The following GADL1 variants were observed in gnomAD, a reference collection of about 807,000 sequenced individuals.
GADL1 encodes acidic amino acid decarboxylase GADL1.
A neutral mutation model predicts 69.5 loss-of-function variants in GADL1; 71 were observed. That is an observed-to-expected ratio of 1.02 (90% CI 0.84 to 1.25). The LOEUF is 1.25. Among genes scored for constraint, GADL1 ranks in the 50% most tolerant of loss-of-function variants. The probability of loss-of-function intolerance (pLI) is 0.00; values close to 1 mark genes in which losing one functional copy is unlikely to be tolerated. For synonymous variants in GADL1, 254 were observed against 214.4 expected, an observed-to-expected ratio of 1.18 and a Z score of -1.62; for missense variants, 737 against 631.8, an observed-to-expected ratio of 1.17 and a Z score of -1.79.
At chr3:30,862,278 G>A (rs1369771463) in intron 1 of GADL1, among the ~76,000 whole-genome samples, 1 of 151,992 alleles carries the variant, frequency 6.6e-6, no homozygotes, top group Non-Finnish European at 1.5e-5. Context: ...TCTACCACAG[G>A]AGAGTTCGAG....
At chr3:30,754,861 T>C (rs1454742070) in intron 14 of GADL1, among the ~76,000 whole-genome samples, 3 of 51,404 alleles carry the variant, frequency 5.8e-5, no homozygotes, top group Admixed American at 2.4e-4. Flanking sequence ...AGGGCACTGA[T>C]TTTTTTTCTG....
At chr3:30,773,642 G>A (rs1432589200) in intron 14 of GADL1, among the ~76,000 whole-genome samples, 1 of 151,938 alleles carries the variant, frequency 6.6e-6, no homozygotes, top group African/African-American at 2.4e-5. Context: ...ATCTTGTCTG[G>A]ACACTACAAA....
At chr3:30,857,792 C>T (rs1698253619) in intron 2 of GADL1, among the ~76,000 whole-genome samples, 1 of 151,990 alleles carries the variant, frequency 6.6e-6, no homozygotes, top group East Asian at 1.9e-4. Context: ...CCTCTAGTCT[C>T]ATCTGGGACT....
rs551295123 is a variant in GADL1 at position 30,815,735 on chromosome 3, C to G, written c.1051-14647G>C. ...TAGGTTCCAAAGGGGATTAAACAAT[C>G]AGGTTTTATCTTTCTAAATCAATGT... is the stretch of plus-strand genomic sequence containing the variant. On this transcript the variant is annotated intron_variant, in intron 11 of 14. Transcript: ENST00000282538. 3.3e-5 allele frequency among the ~76,000 whole-genome samples: 5 copies of G among 152,266 alleles called. No homozygotes were observed. The East Asian group carries it at 9.7e-4, about 29-fold the overall frequency.
chr3:30,867,018 C>A (rs1422287363), intron 1 of GADL1, among the ~76,000 whole-genome samples: 1 of 152,010 alleles, frequency 6.6e-6, no homozygotes, highest in Non-Finnish European at 1.5e-5. Context: ...TCTAGTCCCA[C>A]TTGATCACTC....
intron 14 of GADL1, among the ~76,000 whole-genome samples, chr3:30,741,917 ATTG>A (rs1447848348): frequency 6.6e-6 from 1 of 152,100 alleles, no homozygotes; most frequent in Non-Finnish European, 1.5e-5. Flanking sequence ...TATTGTCCAA[ATTG>A]TTCTCAGGTA....
Position 30,894,637 on chromosome 3 carries a change from G to GC in GADL1, c.-24dup. 6.5e-7 allele frequency: 1 copy of GC among 1,548,862 alleles called. No homozygotes were observed. The highest frequency in any genetic ancestry group is 8.7e-7 in the Non-Finnish European group (1 of 1,145,480). Reference sequence around the variant, plus strand: ...CATCTCCGCTCCCCCACTCCAGGCTGCCCCGGGCGCGGCTCCCGCAGTCTG... The same window carrying GC: ...CATCTCCGCTCCCCCACTCCAGGCTGCCCCCGGGCGCGGCTCCCGCAGTCTG... On this transcript the variant is annotated 5_prime_UTR_variant, in exon 1 of 15. Transcript: ENST00000282538.
chr3:30,799,076 C>T (rs9844034), intron 12 of GADL1: 35,458 of 152,202 alleles, frequency 0.23, 4,242 homozygotes, highest in Non-Finnish European at 0.26. Flanking sequence ...TGTCAGTGGA[C>T]CTACCATTCT....
At chr3:30,862,314 G>T (rs1698332488) in intron 1 of GADL1, among the ~76,000 whole-genome samples, 1 of 151,930 alleles carries the variant, frequency 6.6e-6, no homozygotes, top group African/African-American at 2.4e-5. Flanking sequence ...TTAGGCATTT[G>T]GAGAAAAGGA....
intron 14 of GADL1, among the ~76,000 whole-genome samples, chr3:30,751,554 C>G (rs546479780): frequency 1.4e-4 from 21 of 150,674 alleles, no homozygotes; most frequent in Non-Finnish European, 2.2e-4. Flanking sequence ...CTGGAAATAT[C>G]TAGTAGACTA....
At position 30,863,700 on chromosome 3, in the gene GADL1, C is replaced by A. The variant is rs566740853; in HGVS notation, c.38-1935G>T. Among the ~76,000 whole-genome samples, 18 of 140,484 alleles carry A rather than the reference C, an allele frequency of 1.3e-4. 1 individual carries two copies. Among genetic ancestry groups the A allele is most frequent in the African/African-American group, 4.6e-4 (18 of 39,058 alleles). The allele number at this position is 140,484 out of a possible 152,430, so 92.2% of individuals were successfully genotyped here. On this transcript the variant is annotated intron_variant, in intron 1 of 14. Coordinates refer to ENST00000282538, the MANE Select transcript of GADL1 (RefSeq NM_207359.3). ...TATTTTAAATCCATCTTAAATATTC[C>A]AATGGTCTACAAAAAAAAACCCTTC...
chr3:30,759,950 A>AT (rs1696088646), intron 14 of GADL1, among the ~76,000 whole-genome samples: 1 of 151,926 alleles, frequency 6.6e-6, no homozygotes. Context: ...AGTAAGTTGA[A>AT]GAAAGATTCA....
At chr3:30,869,506 G>T (rs529178719) in intron 1 of GADL1, among the ~76,000 whole-genome samples, 6 of 151,906 alleles carry the variant, frequency 3.9e-5, no homozygotes, top group South Asian at 2.1e-4. Flanking sequence ...TGATTTGATA[G>T]AATCATAAAG....
chr3:30,778,019 T>C, intron 14 of GADL1, among the ~76,000 whole-genome samples, 160 bp downstream of exon 14: 1 of 152,206 alleles, frequency 6.6e-6, no homozygotes, highest in Non-Finnish European at 1.5e-5. Flanking sequence ...ATGTAAACAA[T>C]GTCTACAACT....
intron 4 of GADL1, among the ~76,000 whole-genome samples, chr3:30,852,941 C>T (rs1159268226): frequency 6.6e-6 from 1 of 152,166 alleles, no homozygotes; most frequent in Non-Finnish European, 1.5e-5. Flanking sequence ...CTGGTATCTG[C>T]TGTCATCACT....
At chr3:30,755,779 A>G (rs1695954202) in intron 14 of GADL1, among the ~76,000 whole-genome samples, 1 of 152,098 alleles carries the variant, frequency 6.6e-6, no homozygotes, top group South Asian at 2.1e-4. Context: ...ATGTCTAGAT[A>G]CCTATGTTGT....
At chr3:30,783,092 G>GT (rs1696704271) in intron 13 of GADL1, among the ~76,000 whole-genome samples, 2 of 152,180 alleles carry the variant, frequency 1.3e-5, no homozygotes. Flanking sequence ...TTGACCACCT[G>GT]TTAACAGATA....
intron 14 of GADL1, among the ~76,000 whole-genome samples, chr3:30,752,468 C>T (rs1344227988): frequency 1.3e-5 from 2 of 152,164 alleles, no homozygotes; most frequent in African/African-American, 2.4e-5. Flanking sequence ...AGATAATGCT[C>T]TGTATCTAGT....
chr3:30,750,736 A>T (rs1050119864), intron 14 of GADL1, among the ~76,000 whole-genome samples: 1 of 152,078 alleles, frequency 6.6e-6, no homozygotes, highest in Non-Finnish European at 1.5e-5. Flanking sequence ...CGTATATGTA[A>T]TTTGTCCTGC....
Sources: gnomAD v4.1 joint callset for allele counts (sites outside exome capture counted in the v4.1 genomes callset) on GRCh38, gnomAD v4.1.1 for gene constraint, MANE v1.5 for transcripts, NCBI Gene and HGNC (gene_info 2026-07-23, HGNC 2026-07-21) for gene names.